Variants in LNX1 observed in about 807,000 individuals in gnomAD.
LNX1 encodes ligand of numb-protein X 1, also known as E3 ubiquitin-protein ligase LNX.
Under a neutral mutation model 68.4 loss-of-function variants are expected in LNX1, and 54 were observed. The ratio of observed to expected loss-of-function variants is 0.79; its 90% CI spans 0.63 to 0.99. The LOEUF (loss-of-function observed/expected upper bound fraction) is 0.99, where lower values mean the gene tolerates loss of function less well. Ranked by LOEUF, LNX1 falls within the 50% of genes least tolerant of loss-of-function variation. The probability of loss-of-function intolerance (pLI) is 0.00; values close to 1 mark genes in which losing one functional copy is unlikely to be tolerated. For missense variants in LNX1, 906 were observed against 926.4 expected, an observed-to-expected ratio of 0.98 and a Z score of 0.29; for synonymous variants, 336 against 350.0, an observed-to-expected ratio of 0.96 and a Z score of 0.45.
rs1553927130 is a variant in LNX1 at position 53,459,551 on chromosome 4, C to T, written c.*1356G>A. The T allele has an allele frequency of 1.3e-6, 2 of 1,522,088 alleles. No individual in the cohort carries two copies. Among genetic ancestry groups the T allele is most frequent in the Non-Finnish European group, 1.8e-6 (2 of 1,107,140 alleles). The allele number at this position is 1,522,088 out of a possible 1,614,324, so 94.3% of individuals were successfully genotyped here. A position where few individuals can be genotyped will look rare whatever the true frequency, so the allele number is the denominator to read the frequency against. On this transcript the variant is annotated 3_prime_UTR_variant, in exon 11 of 11. Transcript: ENST00000263925. ...TAAGAAATTTACCTTAAATCTTGTT[C>T]TGTTTGTTAGTATGAAAAGTTAACT...
At position 53,496,189 on chromosome 4, in the gene LNX1, A is replaced by G; in HGVS notation, c.1184T>C (p.Ile395Thr). Residue 395 changes from isoleucine (I) to threonine (T), a missense_variant, in exon 6 of 11, where the codon ATA becomes ACA. Coordinates refer to ENST00000263925, the MANE Select transcript of LNX1 (RefSeq NM_001126328.3). ...NKSSPEEQLG[I>T]KLVRKVDEPG... ...CTCATCCACCTTGCGCACCAGTTTT[A>G]TTCCAAGCTGCTCCTCGGGGCTACT... The G allele has an allele frequency of 6.2e-7, 1 of 1,614,090 alleles. No homozygotes were observed. The highest frequency in any genetic ancestry group is 8.5e-7 in the Non-Finnish European group (1 of 1,180,020).
At chr4:53,609,997 T>C (rs1225230673) in intron 2 of LNX1, among the ~76,000 whole-genome samples, 3 of 151,760 alleles carry the variant, frequency 2.0e-5, no homozygotes, top group Non-Finnish European at 4.4e-5. Flanking sequence ...CAAGGTGAAA[T>C]GGTAAAGTCA....
At chr4:53,484,256 G>A (rs1354094929) in intron 6 of LNX1, among the ~76,000 whole-genome samples, 1 of 152,106 alleles carries the variant, frequency 6.6e-6, no homozygotes, top group East Asian at 1.9e-4. Context: ...TTCATTCCCA[G>A]AGCACACAAC....
At chr4:53,487,107 C>T (rs530393964) in intron 6 of LNX1, among the ~76,000 whole-genome samples, 2 of 151,938 alleles carry the variant, frequency 1.3e-5, no homozygotes, top group East Asian at 2.0e-4. Context: ...ACTGTCAGGG[C>T]GTAACATAGA....
intron 4 of LNX1, among the ~76,000 whole-genome samples, chr4:53,504,347 T>C (rs1304718028): frequency 1.3e-5 from 2 of 152,260 alleles, no homozygotes; most frequent in East Asian, 3.9e-4. Flanking sequence ...AACCAATCTC[T>C]GCTAGCTTCC....
At chr4:53,637,739 T>G (rs1240294033) in intron 1 of LNX1, among the ~76,000 whole-genome samples, 1 of 152,250 alleles carries the variant, frequency 6.6e-6, no homozygotes, top group South Asian at 2.1e-4. Flanking sequence ...AGCCAGTTTC[T>G]GAGATATTAA....
chr4:53,567,385 CTGAA>C (rs1158029373), intron 2 of LNX1, among the ~76,000 whole-genome samples: 3 of 149,864 alleles, frequency 2.0e-5, no homozygotes, highest in Non-Finnish European at 4.5e-5. Flanking sequence ...CAACCTGCTC[CTGAA>C]TGACTACTGG....
rs7665290 is a variant in LNX1 at position 53,521,168 on chromosome 4, T to C, written c.381-12941A>G. 3.1e-3 allele frequency among the ~76,000 whole-genome samples: 475 copies of C among 152,216 alleles called. 1 individual carries two copies. The highest frequency in any genetic ancestry group is 9.5e-3 in the African/African-American group (395 of 41,546). On this transcript the variant is annotated intron_variant, in intron 2 of 10. Transcript: ENST00000263925. ...CTAGAAGTCAGAACTGACTGCCTAG[T>C]GAGGTTTTCTGATCAGTTTTGAAAG...
At chr4:53,579,132 G>A in intron 1 of LNX1, 1 of 290,608 alleles carries the variant, frequency 3.4e-6, no homozygotes, top group Non-Finnish European at 5.1e-6. Flanking sequence ...TAAATTTACT[G>A]AATGTATCAG....
At chr4:53,561,382 C>T (rs188751408) in intron 2 of LNX1, among the ~76,000 whole-genome samples, 62 of 152,212 alleles carry the variant, frequency 4.1e-4, no homozygotes, top group African/African-American at 1.4e-3. Flanking sequence ...CATGCACCAC[C>T]ACACCCAGCT....
At chr4:53,501,599 A>C (rs957572529) in intron 4 of LNX1, among the ~76,000 whole-genome samples, 2 of 152,154 alleles carry the variant, frequency 1.3e-5, no homozygotes, top group African/African-American at 4.8e-5. Context: ...CTGTCTTTTC[A>C]GATGAAGAAA....
At chr4:53,503,551 G>A (rs11934906) in intron 4 of LNX1, among the ~76,000 whole-genome samples, 34,041 of 152,120 alleles carry the variant, frequency 0.22, 4,445 homozygotes, top group Non-Finnish European at 0.3. Context: ...TCAACAGTGG[G>A]CTTAAAATAT....
At chr4:53,539,217 G>A (rs2109650911) in intron 2 of LNX1, 1 of 152,244 alleles carries the variant, frequency 6.6e-6, no homozygotes, top group East Asian at 1.9e-4. Context: ...GAGCCATAAG[G>A]GCCCCCTGCC....
intron 2 of LNX1, among the ~76,000 whole-genome samples, chr4:53,571,107 C>T (rs967647741): frequency 6.6e-6 from 1 of 151,664 alleles, no homozygotes; most frequent in African/African-American, 2.4e-5. Context: ...GCAGCCTCTG[C>T]CTCCTGGGTT....
At position 53,496,015 on chromosome 4, in the gene LNX1, T is replaced by C; in HGVS notation, c.1350+8A>G. ...CTGACTGGGATCCTGGAATGACCTC[T>C]GACTCACCTGAATCAGATGAGCCGC... is the stretch of plus-strand genomic sequence containing the variant. On this transcript the variant is annotated splice_region_variant and intron_variant, in intron 6 of 10. Transcript: ENST00000263925. 5.6e-6 allele frequency: 9 copies of C among 1,608,566 alleles called. No individual in the cohort carries two copies. Among genetic ancestry groups the C allele is most frequent in the Non-Finnish European group, 6.8e-6 (8 of 1,176,508 alleles).
upstream of LNX1, among the ~76,000 whole-genome samples, chr4:53,620,822 A>G (rs771233328): frequency 6.6e-6 from 1 of 152,216 alleles, no homozygotes; most frequent in Admixed American, 6.5e-5. Context: ...GTGTTAGCTC[A>G]CAGTGCAGCA....
chr4:53,539,925 G>A (rs1728632349), intron 2 of LNX1, among the ~76,000 whole-genome samples: 1 of 152,222 alleles, frequency 6.6e-6, no homozygotes, highest in African/African-American at 2.4e-5. Flanking sequence ...CTTGCATGGG[G>A]CATCCATGGC....
chr4:53,515,117 T>C (rs1203148060), intron 2 of LNX1, among the ~76,000 whole-genome samples: 1 of 152,158 alleles, frequency 6.6e-6, no homozygotes, highest in Non-Finnish European at 1.5e-5. Flanking sequence ...ATTACACCAG[T>C]AGAACCAAAC....
intron 2 of LNX1, among the ~76,000 whole-genome samples, chr4:53,538,182 A>G (rs2109646979): frequency 1.3e-5 from 2 of 152,356 alleles, no homozygotes; most frequent in Non-Finnish European, 2.9e-5. Context: ...GGAAACACAC[A>G]TGGCTTGAAG....
Sources: allele counts gnomAD v4.1 joint callset (sites outside exome capture counted in the v4.1 genomes callset), GRCh38; gene constraint gnomAD v4.1.1; transcripts MANE v1.5; gene names NCBI Gene and HGNC (gene_info 2026-07-23, HGNC 2026-07-21).